Variants in PDE1C observed in about 807,000 individuals in gnomAD.
The protein encoded by PDE1C is dual specificity calcium/calmodulin-dependent 3',5'-cyclic nucleotide phosphodiesterase 1C.
A neutral mutation model predicts 93.1 loss-of-function variants in PDE1C; 62 were observed. That is an observed-to-expected ratio of 0.67 (90% CI 0.54 to 0.82). The LOEUF is 0.82. PDE1C is among the 40% of genes least tolerant of loss of function. The pLI, the probability that PDE1C is intolerant of heterozygous loss-of-function variation, is 0.00. For synonymous variants in PDE1C, 325 were observed against 310.1 expected (o/e 1.05, Z -0.50); for missense variants, 742 against 884.6 (o/e 0.84, Z 2.04).
intron 1 of PDE1C, among the ~76,000 whole-genome samples, chr7:32,295,001 T>C (rs1043222347): frequency 7.2e-5 from 11 of 152,244 alleles, no homozygotes; most frequent in African/African-American, 2.7e-4. Context: ...TTTGACCACA[T>C]ACCCATTTCA....
At chr7:31,954,580 T>C (rs1042767554) in intron 2 of PDE1C, among the ~76,000 whole-genome samples, 5 of 152,212 alleles carry the variant, frequency 3.3e-5, no homozygotes, top group African/African-American at 1.2e-4. Context: ...TCCTGGATTT[T>C]ATGTACTGTG....
intron 16 of PDE1C, among the ~76,000 whole-genome samples, chr7:31,792,784 G>A (rs1447765181): frequency 1.3e-5 from 2 of 152,094 alleles, no homozygotes; most frequent in East Asian, 3.9e-4. Flanking sequence ...GGACCCTGAA[G>A]ACAAAGTGTT....
At chr7:31,833,776 C>T (rs529104476) in intron 11 of PDE1C, among the ~76,000 whole-genome samples, 14 of 152,134 alleles carry the variant, frequency 9.2e-5, no homozygotes, top group South Asian at 8.3e-4. Flanking sequence ...AAAAGGGAAA[C>T]GACACATAAA....
intron 3 of PDE1C, among the ~76,000 whole-genome samples, chr7:32,100,290 A>G (rs963201683): frequency 2.5e-4 from 38 of 152,332 alleles, no homozygotes; most frequent in Admixed American, 9.8e-4. Context: ...AAATAAGTGG[A>G]ATAAATTCTG....
Position 32,180,928 on chromosome 7 carries a change from A to G in PDE1C, c.137-10972T>C, listed in dbSNP as rs137884130. ...CCATCTTTTGTTATCTGCGAGACAC[A>G]AAGTGTAGGAAATAATTCAACAGAC... On this transcript the variant is annotated intron_variant, in intron 2 of 18. Coordinates refer to the PDE1C transcript ENST00000396193. 4.0e-3 allele frequency among the ~76,000 whole-genome samples: 611 copies of G among 152,332 alleles called. 6 individuals are homozygous for G. The highest frequency in any genetic ancestry group is 0.014 in the African/African-American group (563 of 41,570).
intron 6 of PDE1C, 71 bp from the exon 7 acceptor site, chr7:31,865,153 C>T: frequency 4.6e-6 from 7 of 1,524,892 alleles, no homozygotes; most frequent in South Asian, 1.2e-5. Flanking sequence ...AAGTCTAAGG[C>T]ACCAGGACTG....
chr7:31,947,647 TAC>T (rs1027458744), intron 2 of PDE1C, among the ~76,000 whole-genome samples: 2 of 152,214 alleles, frequency 1.3e-5, no homozygotes, highest in Non-Finnish European at 2.9e-5. Context: ...TTCATGTATG[TAC>T]AGTCACCAAC....
Position 32,355,646 on chromosome 7 carries a change from G to T in PDE1C, c.310+72176C>A, listed in dbSNP as rs1421470348. ...CTCCTCTAAGTTCCCTTAGCAGTTT[G>T]TTCCTATTTCTAAGATAGTTTTTAA... On this transcript the variant is annotated intron_variant, in intron 1 of 1. Coordinates refer to the PDE1C transcript ENST00000672256. Among the ~76,000 whole-genome samples the T allele has an allele frequency of 1.6e-4, 25 of 152,142 alleles. 1 individual carries two copies.
At chr7:32,191,680 A>T (rs1804241278) in intron 2 of PDE1C, among the ~76,000 whole-genome samples, 1 of 152,190 alleles carries the variant, frequency 6.6e-6, no homozygotes, top group Admixed American at 6.5e-5. Context: ...TGCTATAAGC[A>T]TTCATGTAGG....
chr7:31,770,154 A>G (rs931000166), intron 17 of PDE1C, among the ~76,000 whole-genome samples: 2 of 152,182 alleles, frequency 1.3e-5, no homozygotes, highest in Non-Finnish European at 2.9e-5. Context: ...TATTTCCTTA[A>G]TGACTAATAA....
rs1803791573 is a variant in PDE1C, at chr7:32,185,471, A to G, written c.137-15515T>C. Among the ~76,000 whole-genome samples, 3 of 152,120 alleles carry G rather than the reference A, an allele frequency of 2.0e-5. No homozygotes were observed. The South Asian group carries it at 6.2e-4, about 32-fold the overall frequency. On this transcript the variant is annotated intron_variant, in intron 2 of 18. Coordinates refer to the PDE1C transcript ENST00000396193. The stretch of plus-strand genomic sequence containing the variant: ...CCCCAATATTTGAATAAAATTGCCT[A>G]TAAAACTCTTGGAATCCAAATTAAT...
intron 1 of PDE1C, among the ~76,000 whole-genome samples, chr7:32,220,426 A>G (rs1337088066): frequency 2.6e-5 from 4 of 152,150 alleles, no homozygotes. Context: ...TCCCAAATCA[A>G]CACTGAGAAG....
intron 1 of PDE1C, among the ~76,000 whole-genome samples, chr7:32,373,592 T>G (rs891657720): frequency 6.6e-6 from 1 of 152,354 alleles, no homozygotes; most frequent in South Asian, 2.1e-4. Context: ...AACCATTGAA[T>G]TGTATACTTT....
chr7:31,736,771 G>A, the PDE1C span, among the ~76,000 whole-genome samples: 1 of 152,200 alleles, frequency 6.6e-6, no homozygotes, highest in African/African-American at 2.4e-5. Flanking sequence ...CACAAAAAAG[G>A]AGACATGATA....
At chr7:31,675,126 C>T in the PDE1C span, among the ~76,000 whole-genome samples, 2 of 152,182 alleles carry the variant, frequency 1.3e-5, no homozygotes, top group African/African-American at 4.8e-5. Context: ...AGTAGCTGGG[C>T]TCTGTTCCAA....
At chr7:32,301,387 T>G (rs1008029686), upstream of PDE1C, among the ~76,000 whole-genome samples, 3 of 152,214 alleles carry the variant, frequency 2.0e-5, no homozygotes, top group African/African-American at 7.2e-5. Flanking sequence ...AACTTGGTAT[T>G]TAATCATCTT....
At chr7:31,979,970 T>C (rs1812169055) in intron 2 of PDE1C, among the ~76,000 whole-genome samples, 1 of 152,134 alleles carries the variant, frequency 6.6e-6, no homozygotes, top group African/African-American at 2.4e-5. Flanking sequence ...AACATGTAAA[T>C]CATCATGGGG....
At chr7:32,127,590 A>C (rs1214120486) in intron 3 of PDE1C, among the ~76,000 whole-genome samples, 2 of 152,090 alleles carry the variant, frequency 1.3e-5, no homozygotes, top group Non-Finnish European at 2.9e-5. Context: ...AAAGTAACAA[A>C]TTATATTATT....
intron 1 of PDE1C, among the ~76,000 whole-genome samples, chr7:32,280,723 A>G (rs1811573944): frequency 6.6e-6 from 1 of 152,208 alleles, no homozygotes; most frequent in South Asian, 2.1e-4. Flanking sequence ...GAGCAAAAAT[A>G]GCCTGGGCGA....
Sources: gnomAD v4.1 joint callset for allele counts (sites outside exome capture counted in the v4.1 genomes callset) on GRCh38, gnomAD v4.1.1 for gene constraint, MANE v1.5 for transcripts, NCBI Gene and HGNC (gene_info 2026-07-23, HGNC 2026-07-21) for gene names.